The following PLCL1 variants were observed in gnomAD, a reference collection of about 807,000 sequenced individuals.
The protein encoded by PLCL1 is inactive phospholipase C-like protein 1.
In PLCL1, 41 loss-of-function variants were observed where a neutral mutation model predicts 84.4. The ratio of observed to expected loss-of-function variants is 0.49; its 90% CI spans 0.38 to 0.63. The LOEUF (loss-of-function observed/expected upper bound fraction) is 0.63, where lower values mean the gene tolerates loss of function less well. Among genes scored for constraint, PLCL1 ranks in the 30% least tolerant of loss-of-function variants. The pLI is 0.00. For synonymous variants in PLCL1, 490 were observed against 488.3 expected, an observed-to-expected ratio of 1.00 and a Z score of -0.05; for missense variants, 1,206 against 1,367.8, an observed-to-expected ratio of 0.88 and a Z score of 1.87.
Position 198,085,618 on chromosome 2 carries a change from C to G in PLCL1, c.2101C>G (p.Arg701Gly). ...CGYVLRPSIM[R>G]DEVSYFSANT... ...TTATGTTCTAAGGCCGTCTATAATG[C>G]GAGATGAAGTTTCTTACTTCAGCGC... Residue 701 changes from arginine (R) to glycine (G), a missense_variant, in exon 2 of 6, where the codon CGA becomes GGA. Physicochemically the swap from Arg to Gly is moderately radical, Grantham distance 125. Transcript: ENST00000428675. This position sits in a 1 kb window ranked among gnomAD's most constrained non-coding sequence, Gnocchi z 5.3. 1 of 1,613,974 alleles carries G rather than the reference C, an allele frequency of 6.2e-7. No individual in the cohort carries two copies. The highest frequency in any genetic ancestry group is 8.5e-7 in the Non-Finnish European group (1 of 1,179,920).
At chr2:197,833,920 A>G (rs529451911) in intron 1 of PLCL1, among the ~76,000 whole-genome samples, 1 of 152,326 alleles carries the variant, frequency 6.6e-6, no homozygotes, top group East Asian at 1.9e-4. Flanking sequence ...AAACTGTACT[A>G]CAAGGCCACA....
intron 1 of PLCL1, among the ~76,000 whole-genome samples, chr2:197,851,586 G>A (rs1687238526): frequency 6.6e-6 from 1 of 152,192 alleles, no homozygotes; most frequent in South Asian, 2.1e-4. Flanking sequence ...CCTAAAATCT[G>A]GGTACAAGTG....
rs548802760 is a variant in PLCL1 at position 197,903,413 on chromosome 2, C to A, written c.240+98074C>A. Among the ~76,000 whole-genome samples, 6 of 147,630 alleles carry A rather than the reference C, an allele frequency of 4.1e-5. No individual in the cohort carries two copies. The Admixed American group carries it at 4.1e-4, about 10-fold the overall frequency. On this transcript the variant is annotated intron_variant, in intron 1 of 5. Coordinates refer to ENST00000428675, the MANE Select transcript of PLCL1 (RefSeq NM_006226.4). The stretch of plus-strand genomic sequence containing the variant: ...CAGAGGAATATCTGGCTAAAGGTTA[C>A]ACAGTTTCAGGCTTGGGACAAAAAT...
At chr2:198,095,396 CT>C (rs535253524) in intron 3 of PLCL1, among the ~76,000 whole-genome samples, 2 of 152,062 alleles carry the variant, frequency 1.3e-5, no homozygotes, top group Admixed American at 6.6e-5. Context: ...AGTAATATGA[CT>C]TTTTTTCATT....
At chr2:197,961,569 A>C (rs1013776054) in intron 1 of PLCL1, among the ~76,000 whole-genome samples, 1 of 152,038 alleles carries the variant, frequency 6.6e-6, no homozygotes, top group Non-Finnish European at 1.5e-5. Context: ...TTTTGGAATA[A>C]CCTTAGTAAA....
At chr2:198,047,918 TA>T (rs1015103015) in intron 1 of PLCL1, among the ~76,000 whole-genome samples, 1 of 152,212 alleles carries the variant, frequency 6.6e-6, no homozygotes, top group Non-Finnish European at 1.5e-5. Context: ...GCTCCTTGCA[TA>T]ACTCTTCCAT....
chr2:198,047,184 T>A (rs1207728087), intron 1 of PLCL1, among the ~76,000 whole-genome samples: 1 of 151,826 alleles, frequency 6.6e-6, no homozygotes, highest in Non-Finnish European at 1.5e-5. Context: ...TGTGTGTGTG[T>A]GTGTGTGTGT....
At chr2:198,138,155 A>G (rs528198265) in intron 5 of PLCL1, among the ~76,000 whole-genome samples, 2 of 152,322 alleles carry the variant, frequency 1.3e-5, no homozygotes, top group African/African-American at 2.4e-5. Context: ...TGGGTAATTT[A>G]TAAAGAAAAG....
intron 1 of PLCL1, among the ~76,000 whole-genome samples, chr2:197,931,052 G>A (rs1234103940): frequency 6.6e-6 from 1 of 152,116 alleles, no homozygotes; most frequent in Admixed American, 6.6e-5. Flanking sequence ...GTAAGTGAAG[G>A]GTTTGGGCTA....
chr2:197,997,303 A>C (rs879098477), intron 1 of PLCL1, among the ~76,000 whole-genome samples: 1 of 152,152 alleles, frequency 6.6e-6, no homozygotes, highest in Non-Finnish European at 1.5e-5. Context: ...TTTGCTTGCT[A>C]TCCTAAATGC....
chr2:197,875,144 G>A (rs1687711807), intron 1 of PLCL1, among the ~76,000 whole-genome samples: 1 of 152,016 alleles, frequency 6.6e-6, no homozygotes, highest in Non-Finnish European at 1.5e-5. Context: ...AAACTAGCTG[G>A]GTGTGGTGGT....
intron 1 of PLCL1, among the ~76,000 whole-genome samples, chr2:197,876,830 T>C (rs935527014): frequency 6.6e-6 from 1 of 152,174 alleles, no homozygotes; most frequent in Non-Finnish European, 1.5e-5. Context: ...TCAACTGAGC[T>C]GCATACAGCC....
intron 1 of PLCL1, among the ~76,000 whole-genome samples, chr2:197,907,323 C>T (rs1175580035): frequency 1.3e-5 from 2 of 152,080 alleles, no homozygotes; most frequent in African/African-American, 4.8e-5. Context: ...ACTGCAACCT[C>T]TGACTTCTGT....
intron 1 of PLCL1, among the ~76,000 whole-genome samples, chr2:197,908,773 G>C (rs1304881567): frequency 6.6e-6 from 1 of 152,022 alleles, no homozygotes; most frequent in East Asian, 1.9e-4. Flanking sequence ...GATATTGTCT[G>C]AAATAATGCT....
intron 3 of PLCL1, among the ~76,000 whole-genome samples, chr2:198,097,749 A>C (rs1016188478): frequency 6.6e-6 from 1 of 152,180 alleles, no homozygotes; most frequent in Admixed American, 6.5e-5. Flanking sequence ...GTCCTGCGCC[A>C]TTACAAATCA....
At chr2:197,890,859 GTATATA>G (rs1688012808) in intron 1 of PLCL1, among the ~76,000 whole-genome samples, 1 of 127,616 alleles carries the variant, frequency 7.8e-6, no homozygotes, top group Middle Eastern at 3.8e-3. Flanking sequence ...ATATATATGT[GTATATA>G]TACATATATG....
chr2:197,853,188 T>A (rs1574913500), intron 1 of PLCL1, among the ~76,000 whole-genome samples: 2 of 152,236 alleles, frequency 1.3e-5, no homozygotes, highest in South Asian at 4.1e-4. Context: ...TGGTAGCAGG[T>A]ATCAGAATTT....
At chr2:198,015,115 C>T (rs1690966533) in intron 1 of PLCL1, among the ~76,000 whole-genome samples, 1 of 152,122 alleles carries the variant, frequency 6.6e-6, no homozygotes, top group South Asian at 2.1e-4. Context: ...CCACTAGAAA[C>T]AGGCTATTTT....
intron 1 of PLCL1, among the ~76,000 whole-genome samples, chr2:197,990,856 T>C (rs1690333073): frequency 6.6e-6 from 1 of 152,230 alleles, no homozygotes; most frequent in Non-Finnish European, 1.5e-5. Context: ...AGAGTCTGGA[T>C]AAAACTCATG....
Sources: gnomAD v4.1 joint callset for allele counts (sites outside exome capture counted in the v4.1 genomes callset) on GRCh38, gnomAD v4.1.1 for gene constraint, Gnocchi (gnomAD v3.1) non-coding constraint, MANE v1.5 for transcripts, NCBI Gene and HGNC (gene_info 2026-07-23, HGNC 2026-07-21) for gene names.